The following GNG7 variants were observed in gnomAD, a reference collection of about 807,000 sequenced individuals.
GNG7 encodes guanine nucleotide-binding protein G(I)/G(S)/G(O) subunit gamma-7.
A neutral mutation model predicts 4.0 loss-of-function variants in GNG7; 1 was observed. The observed-to-expected ratio is 0.25, with a 90% CI of 0.09 to 1.18. GNG7 has a LOEUF of 1.18. Among genes scored for constraint, GNG7 ranks in the 50% most tolerant of loss-of-function variants. The probability of loss-of-function intolerance (pLI) is 0.50; values close to 1 mark genes in which losing one functional copy is unlikely to be tolerated. For synonymous variants in GNG7, 34 were observed against 36.9 expected (o/e 0.92, Z 0.29); for missense variants, 86 against 91.9 (o/e 0.94, Z 0.26).
chr19:2,527,774 A>ACCCCCCCCCCCCCC (rs59937877), intron 3 of GNG7, among the ~76,000 whole-genome samples: 2 of 125,082 alleles, frequency 1.6e-5, no homozygotes, highest in African/African-American at 7.2e-5. Context: ...TTGCCAGGAA[A>ACCCCCCCCCCCCCC]CCCCCCCCCC....
intron 3 of GNG7, among the ~76,000 whole-genome samples, chr19:2,528,839 CAG>C (rs1368218756): frequency 2.0e-5 from 3 of 152,236 alleles, no homozygotes; most frequent in Non-Finnish European, 2.9e-5. Flanking sequence ...TGTGAGGAAA[CAG>C]GGGTTCCAGA....
intron 3 of GNG7, among the ~76,000 whole-genome samples, chr19:2,531,302 T>TCA (rs1978575828): frequency 6.0e-5 from 1 of 16,750 alleles, no homozygotes; most frequent in South Asian, 2.7e-3. Flanking sequence ...AGATTCCGTC[T>TCA]CAAAAAAAAA....
At chr19:2,566,159 T>A (rs962383913) in intron 2 of GNG7, among the ~76,000 whole-genome samples, 1 of 151,556 alleles carries the variant, frequency 6.6e-6, no homozygotes, top group African/African-American at 2.4e-5. Context: ...CTCCGTCTCA[T>A]AAATAAATAA....
chr19:2,565,944 G>A (rs368654312), intron 2 of GNG7, among the ~76,000 whole-genome samples: 29 of 152,250 alleles, frequency 1.9e-4, no homozygotes, highest in African/African-American at 7.0e-4. Context: ...GATCATCTGA[G>A]GTTAGGAGTT....
chr19:2,692,635 GAAA>G (rs755758643), intron 1 of GNG7, among the ~76,000 whole-genome samples: 2 of 119,766 alleles, frequency 1.7e-5, no homozygotes, highest in Non-Finnish European at 1.8e-5. Context: ...ACTCCATCTC[GAAA>G]AAAAAAAAAA....
chr19:2,519,820 C>A (rs1222807636), intron 4 of GNG7, among the ~76,000 whole-genome samples: 1 of 152,144 alleles, frequency 6.6e-6, no homozygotes, highest in Non-Finnish European at 1.5e-5. Context: ...GCCTACACTG[C>A]AGATTTCAGA....
intron 2 of GNG7, among the ~76,000 whole-genome samples, chr19:2,576,392 G>A (rs1015494093): frequency 1.4e-4 from 21 of 152,200 alleles, no homozygotes; most frequent in East Asian, 1.9e-4. Context: ...AGAGTTCACC[G>A]TGGTCCCTGG....
At chr19:2,553,658 T>C (rs62121719) in intron 3 of GNG7, among the ~76,000 whole-genome samples, 4,246 of 92,324 alleles carry the variant, frequency 0.046, 148 homozygotes, top group East Asian at 0.24. Context: ...ATTACATACA[T>C]GCACACGTTA....
chr19:2,619,740 G>T (rs563373196), intron 2 of GNG7, among the ~76,000 whole-genome samples: 3 of 152,240 alleles, frequency 2.0e-5, no homozygotes, highest in African/African-American at 7.2e-5. Flanking sequence ...ACAGGGAGGG[G>T]ATGCGTGTGT....
At chr19:2,666,443 G>A (rs1226893098) in intron 1 of GNG7, among the ~76,000 whole-genome samples, 2 of 152,220 alleles carry the variant, frequency 1.3e-5, no homozygotes, top group Admixed American at 1.3e-4. Flanking sequence ...AACGTCCTGG[G>A]ATTACATAGG....
At chr19:2,645,538 C>G (rs1271781484) in intron 2 of GNG7, among the ~76,000 whole-genome samples, 1 of 151,138 alleles carries the variant, frequency 6.6e-6, no homozygotes, top group Non-Finnish European at 1.5e-5. Context: ...CATGCCTGGC[C>G]AAAACCCTAA....
chr19:2,541,106 C>A (rs182964482), intron 3 of GNG7, among the ~76,000 whole-genome samples: 3 of 152,206 alleles, frequency 2.0e-5, no homozygotes, highest in Non-Finnish European at 2.9e-5. Flanking sequence ...GCCAGAGAGG[C>A]GAGGGAGCGG....
chr19:2,682,114 G>A (rs961849373), intron 1 of GNG7, among the ~76,000 whole-genome samples: 2 of 151,902 alleles, frequency 1.3e-5, no homozygotes, highest in Middle Eastern at 3.4e-3. Context: ...TCACTATGTT[G>A]GCCAGGCTGG....
At chr19:2,520,203 C>G (rs1187876635) in intron 4 of GNG7, among the ~76,000 whole-genome samples, 1 of 131,724 alleles carries the variant, frequency 7.6e-6, no homozygotes, top group Non-Finnish European at 1.7e-5. Context: ...CAAACAAATC[C>G]TTCAAACAAC....
At chr19:2,649,726 C>T (rs74439723) in intron 1 of GNG7, among the ~76,000 whole-genome samples, 14,572 of 152,106 alleles carry the variant, frequency 0.096, 845 homozygotes, top group Admixed American at 0.17. Flanking sequence ...TGTGAACTAA[C>T]GCCTGTACCA....
intron 1 of GNG7, among the ~76,000 whole-genome samples, chr19:2,647,610 C>T (rs1381205521): frequency 6.6e-6 from 1 of 152,024 alleles, no homozygotes; most frequent in Non-Finnish European, 1.5e-5. Flanking sequence ...CCCAGCTACT[C>T]GAGAGGCTGA....
Position 2,653,321 on chromosome 19 carries a change from G to T in GNG7, c.-134-7041C>A, listed in dbSNP as rs370759450. Among the ~76,000 whole-genome samples the T allele has an allele frequency of 6.6e-6, 1 of 152,160 alleles. No individual in the cohort carries two copies. Among genetic ancestry groups the T allele is most frequent in the Non-Finnish European group, 1.5e-5 (1 of 68,028 alleles). On this transcript the variant is annotated intron_variant, in intron 1 of 4. Transcript: ENST00000382159. This position sits in a 1 kb window ranked among gnomAD's most constrained non-coding sequence, Gnocchi z 4.8. ...CTCCCAAACCTGGGGATTTGCAACA[G>T]ACAAACACAGAGCTGGGAAATTCCG...
chr19:2,688,099 A>G (rs1190209238), intron 1 of GNG7, among the ~76,000 whole-genome samples: 2 of 151,926 alleles, frequency 1.3e-5, no homozygotes, highest in Non-Finnish European at 2.9e-5. Context: ...AAAAATAACA[A>G]AAAATTAGCC....
chr19:2,578,690 T>TG (rs1980413646), intron 2 of GNG7, among the ~76,000 whole-genome samples: 1 of 152,180 alleles, frequency 6.6e-6, no homozygotes. Context: ...CTCTCTGGGG[T>TG]GGGGCCGTCC....
Sources: gnomAD v4.1 joint callset for allele counts (sites outside exome capture counted in the v4.1 genomes callset) on GRCh38, gnomAD v4.1.1 for gene constraint, Gnocchi (gnomAD v3.1) non-coding constraint, MANE v1.5 for transcripts, NCBI Gene and HGNC (gene_info 2026-07-23, HGNC 2026-07-21) for gene names.